PFKFB1: variants seen among roughly 807,000 people sequenced by gnomAD.
PFKFB1 encodes the protein 6-phosphofructo-2-kinase/fructose-2,6-biphosphatase 1.
Under a neutral mutation model 46.4 loss-of-function variants are expected in PFKFB1, and 34 were observed. That is an observed-to-expected ratio of 0.73 (90% CI 0.56 to 0.98). The LOEUF is 0.98. PFKFB1 is among the 50% of genes least tolerant of loss of function. The probability of loss-of-function intolerance (pLI) is 0.00; values close to 1 mark genes in which losing one functional copy is unlikely to be tolerated. For missense variants in PFKFB1, 393 were observed against 376.3 expected, an observed-to-expected ratio of 1.04 and a Z score of -0.37; for synonymous variants, 119 against 133.8, an observed-to-expected ratio of 0.89 and a Z score of 0.76.
At chrX:54,938,075 G>GA (rs1461685806) in intron 10 of PFKFB1, among the ~76,000 whole-genome samples, 10 of 111,431 alleles carry the variant, frequency 9.0e-5, no homozygotes, top group Non-Finnish European at 1.9e-4. Flanking sequence ...GAGAAAAACG[G>GA]AAAAAAACAA....
chrX:54,991,535 CTCTCTG>C (rs1404608256), intron 1 of PFKFB1, among the ~76,000 whole-genome samples: 22 of 87,283 alleles, frequency 2.5e-4, no homozygotes, highest in African/African-American at 6.9e-4. Flanking sequence ...CCCTCTCTCT[CTCTCTG>C]TGTGTGTGTG....
intron 6 of PFKFB1, among the ~76,000 whole-genome samples, 199 bp downstream of exon 6, chrX:54,958,107 A>G (rs758327359): frequency 1.8e-5 from 2 of 111,928 alleles, no homozygotes; most frequent in South Asian, 7.5e-4. Flanking sequence ...GGCACTATAT[A>G]TGTTGGCTTC....
chrX:54,975,313 A>G (rs1934808754), intron 1 of PFKFB1, among the ~76,000 whole-genome samples: 1 of 111,512 alleles, frequency 9.0e-6, no homozygotes, highest in Admixed American at 9.5e-5. Flanking sequence ...AAACAGAATG[A>G]AATAATGGCC....
chrX:54,965,114 A>C (rs1461943607), intron 1 of PFKFB1, among the ~76,000 whole-genome samples: 1 of 112,137 alleles, frequency 8.9e-6, no homozygotes, highest in Non-Finnish European at 1.9e-5. Context: ...AATAAGGCAG[A>C]AGAAATATTT....
intron 1 of PFKFB1, among the ~76,000 whole-genome samples, chrX:54,990,078 G>T (rs1474214031): frequency 9.0e-6 from 1 of 111,234 alleles, no homozygotes; most frequent in Non-Finnish European, 1.9e-5. Flanking sequence ...AAAGAAGAAA[G>T]TCTGAAAATG....
intron 7 of PFKFB1, among the ~76,000 whole-genome samples, chrX:54,955,528 AC>A (rs1934109060): frequency 9.0e-6 from 1 of 110,715 alleles, no homozygotes; most frequent in African/African-American, 3.3e-5. Context: ...TATAGAAGCT[AC>A]CCGAGGATAG....
At position 54,949,131 on chromosome X, in the gene PFKFB1, C is replaced by G. The variant is rs1454178195; in HGVS notation, c.937G>C (p.Ala313Pro). 1 of 1,210,687 alleles carries G rather than the reference C, an allele frequency of 8.3e-7. No individual in the cohort carries two copies. Among genetic ancestry groups the G allele is most frequent in the Admixed American group, 2.2e-5 (1 of 45,991 alleles). Reference protein sequence around the residue: ...TSHMKRTIQTAEALGVPYEQW... With the variant: ...TSHMKRTIQTPEALGVPYEQW... ...TCATAGGGGACACCCAGGGCCTCAG[C>G]TGTCTGGATGGTCCTCTTCATGTGA... is the stretch of plus-strand genomic sequence containing the variant. Residue 313 changes from alanine (A) to proline (P), a missense_variant, in exon 9 of 14, where the codon GCT (alanine) becomes CCT (proline). Coordinates refer to ENST00000375006, the MANE Select transcript of PFKFB1 (RefSeq NM_002625.4).
intron 10 of PFKFB1, among the ~76,000 whole-genome samples, chrX:54,942,142 G>A (rs1933660404): frequency 9.0e-6 from 1 of 110,954 alleles, no homozygotes; most frequent in Non-Finnish European, 1.9e-5. Flanking sequence ...CTATCTCAAG[G>A]ACAAAAAACC....
intron 1 of PFKFB1, among the ~76,000 whole-genome samples, chrX:54,973,090 T>C (rs1226641301): frequency 1.8e-5 from 2 of 111,970 alleles, no homozygotes; most frequent in Non-Finnish European, 3.8e-5. Context: ...TGTCGAGGAA[T>C]GTATCCATTT....
chrX:54,951,347 T>A (rs1378673260), intron 8 of PFKFB1, among the ~76,000 whole-genome samples: 1 of 111,991 alleles, frequency 8.9e-6, no homozygotes, highest in East Asian at 2.8e-4. Context: ...TGGGGAGGGC[T>A]TCCTGGAGCA....
intron 11 of PFKFB1, among the ~76,000 whole-genome samples, chrX:54,936,873 C>A (rs757657007): frequency 4.1e-4 from 46 of 111,343 alleles, no homozygotes; most frequent in African/African-American, 1.4e-3. Context: ...TATAATTTTG[C>A]ATTGCTCTGA....
chrX:54,969,102 T>C (rs1199399576), intron 1 of PFKFB1, among the ~76,000 whole-genome samples: 1 of 111,665 alleles, frequency 9.0e-6, no homozygotes, highest in African/African-American at 3.3e-5. Context: ...TCTAAAGATG[T>C]AAAACCCCAT....
At chrX:54,964,303 A>G (rs1436905544) in intron 1 of PFKFB1, among the ~76,000 whole-genome samples, 1 of 110,970 alleles carries the variant, frequency 9.0e-6, no homozygotes, top group Non-Finnish European at 1.9e-5. Context: ...AGAATGTCCC[A>G]GGTCCCCATT....
At chrX:54,980,542 G>A (rs989079412) in intron 1 of PFKFB1, among the ~76,000 whole-genome samples, 1 of 110,621 alleles carries the variant, frequency 9.0e-6, no homozygotes, top group Non-Finnish European at 1.9e-5. Flanking sequence ...CAAAGGTGAC[G>A]TAATCAGCGG....
intron 1 of PFKFB1, among the ~76,000 whole-genome samples, chrX:54,981,216 C>T (rs181073211): frequency 9.0e-6 from 1 of 110,698 alleles, no homozygotes; most frequent in Admixed American, 9.6e-5. Flanking sequence ...TACCAGTCCT[C>T]AAGTTAGGGA....
chrX:54,941,864 C>G (rs996239319), intron 10 of PFKFB1, among the ~76,000 whole-genome samples: 22 of 111,762 alleles, frequency 2.0e-4, no homozygotes, highest in South Asian at 3.8e-4. Flanking sequence ...AACTAGAAAT[C>G]CCATTTGACC....
Position 54,969,073 on chromosome X carries a change from A to T in PFKFB1, c.98-5691T>A, listed in dbSNP as rs183278383. Among the ~76,000 whole-genome samples, 412 of 111,757 alleles carry T rather than the reference A, an allele frequency of 3.7e-3. 2 individuals carry two copies. The highest frequency in any genetic ancestry group is 6.8e-3 in the Non-Finnish European group (362 of 53,106). On this transcript the variant is annotated intron_variant, in intron 1 of 13. Coordinates refer to ENST00000375006, the MANE Select transcript of PFKFB1 (RefSeq NM_002625.4). ...TACAAGGCTGGTTCAATATATGAAA[A>T]TCAATCAAAGCAATCCATTCTAAAG...
intron 1 of PFKFB1, among the ~76,000 whole-genome samples, chrX:54,990,842 T>G (rs1017243815): frequency 5.3e-5 from 6 of 112,395 alleles, no homozygotes; most frequent in African/African-American, 1.9e-4. Context: ...AATAGAAAAT[T>G]AATGTCATTT....
At chrX:54,994,426 C>T (rs1478272404), upstream of PFKFB1, 3 of 751,979 alleles carry the variant, frequency 4.0e-6, no homozygotes, top group Admixed American at 8.8e-5. Flanking sequence ...CATGTGCTTA[C>T]AGCCTGTGTG....
Sources: gnomAD v4.1 joint callset for allele counts (sites outside exome capture counted in the v4.1 genomes callset) on GRCh38, gnomAD v4.1.1 for gene constraint, MANE v1.5 for transcripts, NCBI Gene and HGNC (gene_info 2026-07-23, HGNC 2026-07-21) for gene names.